MKLN1: variants seen among roughly 807,000 people sequenced by gnomAD.
The protein encoded by MKLN1 is muskelin 1.
Under a neutral mutation model 99.0 loss-of-function variants are expected in MKLN1, and 18 were observed. That is an observed-to-expected ratio of 0.18 (90% CI 0.13 to 0.27). The LOEUF is 0.27. Among genes scored for constraint, MKLN1 ranks in the 10% least tolerant of loss-of-function variants. MKLN1 has a pLI of 1.00. For missense variants in MKLN1, 621 were observed against 875.9 expected, an observed-to-expected ratio of 0.71 and a Z score of 3.67; for synonymous variants, 288 against 293.2, an observed-to-expected ratio of 0.98 and a Z score of 0.18.
chr7:131,237,230 ATGT>A (rs1319798166), intron 3 of MKLN1, among the ~76,000 whole-genome samples: 5 of 152,170 alleles, frequency 3.3e-5, no homozygotes, highest in Non-Finnish European at 5.9e-5. Flanking sequence ...GTACAGTTTC[ATGT>A]TGTTTGATGA....
At chr7:131,131,388 G>A (rs142052965) in intron 1 of MKLN1, among the ~76,000 whole-genome samples, 29 of 152,180 alleles carry the variant, frequency 1.9e-4, no homozygotes, top group Non-Finnish European at 2.8e-4. Context: ...ATTAAAAAGT[G>A]CAGATTAATA....
chr7:131,493,571 A>G lies in MKLN1; in HGVS notation c.*5843A>G, dbSNP rs1277189447. ...GGGAAGTAGCATTTCCCTTCTTCCA[A>G]ATAACTGTTTGAGATCTTAAAACAG... On this transcript the variant is annotated 3_prime_UTR_variant, in exon 18 of 18. Coordinates refer to ENST00000352689, the MANE Select transcript of MKLN1 (RefSeq NM_013255.5). The G allele has an allele frequency of 6.6e-6, 1 of 152,222 alleles. No individual in the cohort carries two copies. The highest frequency in any genetic ancestry group is 1.5e-5 in the Non-Finnish European group (1 of 68,040). The allele number at this position is 152,222 out of a possible 1,614,324, so 9.4% of individuals were successfully genotyped here. A position where few individuals can be genotyped will look rare whatever the true frequency, so the allele number is the denominator to read the frequency against.
At chr7:131,151,524 T>C (rs1367074036) in intron 2 of MKLN1, among the ~76,000 whole-genome samples, 1 of 152,202 alleles carries the variant, frequency 6.6e-6, no homozygotes, top group Non-Finnish European at 1.5e-5. Flanking sequence ...TAGAGCTATA[T>C]TTTCATAAAC....
intron 1 of MKLN1, among the ~76,000 whole-genome samples, chr7:131,350,985 A>G (rs1453998026): frequency 6.6e-6 from 1 of 152,158 alleles, no homozygotes; most frequent in Non-Finnish European, 1.5e-5. Context: ...TCCATATTTA[A>G]TTTTCAGTTT....
chr7:131,254,502 T>C (rs1447513772), intron 3 of MKLN1, among the ~76,000 whole-genome samples: 1 of 152,134 alleles, frequency 6.6e-6, no homozygotes, highest in African/African-American at 2.4e-5. Flanking sequence ...AAAGCACTTA[T>C]ATGTTCAAGG....
chr7:131,436,765 C>G (rs1313363153), intron 9 of MKLN1, among the ~76,000 whole-genome samples: 1 of 152,096 alleles, frequency 6.6e-6, no homozygotes, highest in Non-Finnish European at 1.5e-5. Flanking sequence ...CCGATGAACC[C>G]TTTTGACTAT....
chr7:131,355,227 G>A (rs1799838081), intron 1 of MKLN1, among the ~76,000 whole-genome samples: 1 of 151,982 alleles, frequency 6.6e-6, no homozygotes, highest in Admixed American at 6.6e-5. Context: ...CTCTTTTTCA[G>A]GGTTTCTTTG....
intron 1 of MKLN1, among the ~76,000 whole-genome samples, chr7:131,137,567 G>C (rs73485394): frequency 6.6e-6 from 1 of 151,862 alleles, no homozygotes; most frequent in Non-Finnish European, 1.5e-5. Flanking sequence ...TTTTTTTGTT[G>C]TGTTTTGGTT....
intron 3 of MKLN1, among the ~76,000 whole-genome samples, chr7:131,257,833 G>A (rs999119857): frequency 5.3e-5 from 8 of 152,126 alleles, no homozygotes; most frequent in African/African-American, 1.9e-4. Context: ...CATCAAAAAA[G>A]CAGAGACCGG....
chr7:131,317,032 C>T (rs1184768199), intron 3 of MKLN1, among the ~76,000 whole-genome samples: 3 of 152,168 alleles, frequency 2.0e-5, no homozygotes, highest in Admixed American at 2.0e-4. Context: ...GGAAAACACA[C>T]TTCAGGATAT....
At chr7:131,242,831 A>T in intron 3 of MKLN1, 1 of 663,866 alleles carries the variant, frequency 1.5e-6, no homozygotes, top group Non-Finnish European at 2.9e-6. Context: ...ACAATCAGCT[A>T]ATGCCCACAA....
chr7:131,363,909 C>T (rs1800101276), intron 1 of MKLN1, among the ~76,000 whole-genome samples: 2 of 152,028 alleles, frequency 1.3e-5, no homozygotes, highest in Admixed American at 1.3e-4. Context: ...GAGATCCTAT[C>T]TCATATACCA....
intron 3 of MKLN1, among the ~76,000 whole-genome samples, chr7:131,274,733 A>G (rs965389755): frequency 7.2e-5 from 11 of 152,068 alleles, no homozygotes; most frequent in Admixed American, 3.3e-4. Context: ...CAAGCTCTTA[A>G]GCAGTGGCTT....
chr7:131,115,262 T>G (rs1401268801), intron 1 of MKLN1, among the ~76,000 whole-genome samples: 1 of 152,176 alleles, frequency 6.6e-6, no homozygotes, highest in African/African-American at 2.4e-5. Flanking sequence ...TAAATGGCAT[T>G]ACCACCCACC....
Position 131,388,898 on chromosome 7 carries a change from A to C in MKLN1, c.326A>C (p.Asp109Ala). The C allele has an allele frequency of 6.2e-7, 1 of 1,609,828 alleles. No homozygotes were observed. Among genetic ancestry groups the C allele is most frequent in the Non-Finnish European group, 8.5e-7 (1 of 1,177,208 alleles). ...TELLSSGLKN[D>A]YNKETFTLKH... ...TTTTCCCACAGTGGCTTAAAGAATGATTATAACAAAGAAACATTCACCTTG... is the reference window on the plus strand; with the variant it reads ...TTTTCCCACAGTGGCTTAAAGAATGCTTATAACAAAGAAACATTCACCTTG... Residue 109 changes from aspartate (D) to alanine (A), a missense_variant, in exon 4 of 18, where the codon GAT (aspartate) becomes GCT (alanine). By Grantham distance (126) the Asp-to-Ala change is moderately radical. Around this residue, in one of 8 missense-constraint regions of MKLN1, gnomAD observed 361 missense variants for 540.8 expected, o/e 0.67. Transcript: ENST00000352689.
chr7:131,303,192 G>C (rs1239104856), intron 3 of MKLN1, among the ~76,000 whole-genome samples: 3 of 152,232 alleles, frequency 2.0e-5, no homozygotes, highest in African/African-American at 7.2e-5. Flanking sequence ...CCAAGGAAGG[G>C]ATGAAGTGGT....
upstream of MKLN1, among the ~76,000 whole-genome samples, chr7:131,324,990 T>C (rs1247272267): frequency 2.6e-5 from 4 of 152,234 alleles, no homozygotes; most frequent in Non-Finnish European, 5.9e-5. Context: ...CTTTACCTTC[T>C]GAGTAGCAAT....
rs746870344 is a variant in MKLN1, at chr7:131,375,482, T to C, written c.157T>C (p.Tyr53His). Residue 53 changes from tyrosine (Y) to histidine (H), a missense_variant, in exon 2 of 18, where the codon TAT (tyrosine) becomes CAT (histidine). Coordinates refer to ENST00000352689, the MANE Select transcript of MKLN1 (RefSeq NM_013255.5). Reference protein sequence around the residue: ...QSSRWSSESNYPPQYLILKLE... With the variant: ...QSSRWSSESNHPPQYLILKLE... ...TTCAAGATGGTCTTCAGAGAGCAACTATCCTCCCCAGGTAAGATTACATGT... is the reference window on the plus strand; with the variant it reads ...TTCAAGATGGTCTTCAGAGAGCAACCATCCTCCCCAGGTAAGATTACATGT... 3.1e-6 allele frequency: 5 copies of C among 1,605,824 alleles called. No individual in the cohort carries two copies. In the East Asian group the frequency reaches 1.1e-4, roughly 36 times the overall value.
intron 3 of MKLN1, among the ~76,000 whole-genome samples, chr7:131,263,074 G>A (rs1797756687): frequency 3.9e-5 from 6 of 152,208 alleles, no homozygotes; most frequent in Non-Finnish European, 7.4e-5. Context: ...AGAGTGAAAC[G>A]TTTTGGTAAG....
Sources: gnomAD v4.1 joint callset for allele counts (sites outside exome capture counted in the v4.1 genomes callset) on GRCh38, gnomAD v4.1.1 for gene constraint, gnomAD v4.1.1 regional missense constraint, MANE v1.5 for transcripts, NCBI Gene and HGNC (gene_info 2026-07-23, HGNC 2026-07-21) for gene names.